The following USP40 variants were observed in gnomAD, a reference collection of about 807,000 sequenced individuals.
USP40 encodes ubiquitin specific peptidase 40.
USP40 carries 143 observed loss-of-function variants against 166.2 expected under a neutral mutation model. That is an observed-to-expected ratio of 0.86 (90% CI 0.75 to 0.99). USP40 has a LOEUF of 0.99. Among genes scored for constraint, USP40 ranks in the 50% least tolerant of loss-of-function variants. USP40 has a pLI of 0.00. For missense variants in USP40, 1,444 were observed against 1,479.7 expected (o/e 0.98, Z 0.40); for synonymous variants, 498 against 524.0 (o/e 0.95, Z 0.68).
chr2:233,534,881 T>C (rs929638820), intron 10 of USP40, among the ~76,000 whole-genome samples: 13 of 152,300 alleles, frequency 8.5e-5, no homozygotes, highest in East Asian at 3.9e-4. Context: ...GTCCCATTAA[T>C]GACAAAGAAA....
intron 21 of USP40, among the ~76,000 whole-genome samples, chr2:233,503,780 C>T (rs2066234832): frequency 6.6e-6 from 1 of 152,124 alleles, no homozygotes; most frequent in Non-Finnish European, 1.5e-5. Flanking sequence ...GGGAGCACTA[C>T]AACTGGAAAC....
At position 233,485,563 on chromosome 2, in the gene USP40, A is replaced by G. The variant is rs145708986; in HGVS notation, c.3472T>C (p.Tyr1158His). ...CCAATAGTATCTCCGTCTTTCAAGTAATACGGTGCCCCTTGCAAATAATCT... is the reference window on the plus strand; with the variant it reads ...CCAATAGTATCTCCGTCTTTCAAGTGATACGGTGCCCCTTGCAAATAATCT... ...KQDYLQGAPY[Y>H]LKDGDTIGVK... is the part of the protein sequence containing the mutation. The change falls in exon 30 of 32, where the codon TAC (tyrosine) becomes CAC (histidine). Residue 1158 changes from tyrosine (Y) to histidine (H), a missense_variant. Transcript: ENST00000678225. The G allele has an allele frequency of 1.7e-4, 277 of 1,613,978 alleles. No individual in the cohort carries two copies. The East Asian group carries it at 4.0e-3, about 23-fold the overall frequency.
chr2:233,542,172 G>C lies in USP40; in HGVS notation c.1062+96C>G, dbSNP rs146927183. The C allele has an allele frequency of 5.5e-5, 29 of 527,732 alleles. No homozygotes were observed. Among genetic ancestry groups the C allele is most frequent in the Non-Finnish European group, 9.0e-5 (29 of 322,180 alleles). 32.7% of individuals were successfully genotyped at this position (527,732 alleles called of 1,614,324 possible). On this transcript the variant is annotated intron_variant, in intron 9 of 31. Transcript: ENST00000678225. ...ATGAATGGTAATAATATCACACCTA[G>C]CAATTAAACCGCATACATTCTTACA...
intron 11 of USP40, among the ~76,000 whole-genome samples, chr2:233,530,443 C>A (rs1261058701): frequency 1.3e-5 from 2 of 152,150 alleles, no homozygotes; most frequent in South Asian, 4.1e-4. Flanking sequence ...GAACAATAAA[C>A]ATCTTTGAGC....
At chr2:233,555,728 C>A (rs13394960) in intron 5 of USP40, among the ~76,000 whole-genome samples, 2 of 151,014 alleles carry the variant, frequency 1.3e-5, no homozygotes, top group Non-Finnish European at 3.0e-5. Flanking sequence ...CTCCACCTCC[C>A]GGGTTCAAGC....
intron 8 of USP40, chr2:233,545,546 G>A (rs990968955): frequency 2.0e-5 from 3 of 152,112 alleles, no homozygotes; most frequent in Non-Finnish European, 4.4e-5. Context: ...TGGTGGCATG[G>A]ATCAGGCTCC....
intron 2 of USP40, among the ~76,000 whole-genome samples, chr2:233,563,385 T>C (rs1044887528): frequency 3.3e-5 from 5 of 152,202 alleles, no homozygotes; most frequent in Admixed American, 3.3e-4. Context: ...CCTGAATCTT[T>C]TGAGAAGTCT....
intron 8 of USP40, among the ~76,000 whole-genome samples, chr2:233,545,060 A>C (rs1376012832): frequency 6.6e-6 from 1 of 152,222 alleles, no homozygotes; most frequent in Non-Finnish European, 1.5e-5. Flanking sequence ...GTTCTTAAAA[A>C]GCAAACAAAC....
chr2:233,503,559 C>A (rs2066220435), intron 21 of USP40, among the ~76,000 whole-genome samples: 1 of 152,084 alleles, frequency 6.6e-6, no homozygotes, highest in South Asian at 2.1e-4. Context: ...ATAAGGAAAT[C>A]CCCAGTAGAC....
chr2:233,510,149 A>G lies in USP40; in HGVS notation c.2527-14T>C. 1 of 1,562,010 alleles carries G rather than the reference A, an allele frequency of 6.4e-7. No individual in the cohort carries two copies. Among genetic ancestry groups the G allele is most frequent in the Non-Finnish European group, 8.8e-7 (1 of 1,142,478 alleles). On this transcript the variant is annotated splice_polypyrimidine_tract_variant and intron_variant, in intron 20 of 31. Coordinates refer to ENST00000678225, the MANE Select transcript of USP40 (RefSeq NM_001365479.2). ...AAACAGGAACAACTAATAACAAGAC[A>G]GATGTGTAAATGCAATTTAATCTGA...
At chr2:233,529,814 C>CTTTTTTTT (rs369071345) in intron 11 of USP40, among the ~76,000 whole-genome samples, 29 of 133,950 alleles carry the variant, frequency 2.2e-4, no homozygotes, top group South Asian at 4.5e-4. Flanking sequence ...TTTTCTTTTT[C>CTTTTTTTT]TTTTTTTTTT....
intron 3 of USP40, among the ~76,000 whole-genome samples, chr2:233,560,193 A>G (rs1175519815): frequency 3.9e-5 from 6 of 152,230 alleles, no homozygotes; most frequent in South Asian, 4.1e-4. Flanking sequence ...AAACCACTCA[A>G]CTGATTACAG....
At position 233,476,235 on chromosome 2, in the gene USP40, CT is replaced by C. The variant is rs2064178582; in HGVS notation, c.*1156del. ...TCCTTTCTGCCCTCACACTTCAGTG[CT>C]GCTTCCCATCAGTGACGGGGCTGAC... On this transcript the variant is annotated 3_prime_UTR_variant, in exon 32 of 32. Transcript: ENST00000678225. 1 of 152,366 alleles carries C rather than the reference CT, an allele frequency of 6.6e-6. No individual in the cohort carries two copies. Among genetic ancestry groups the C allele is most frequent in the African/African-American group, 2.4e-5 (1 of 41,442 alleles). The allele number at this position is 152,366 out of a possible 1,614,324, so 9.4% of individuals were successfully genotyped here.
intron 14 of USP40, 106 bp from the exon 15 acceptor site, chr2:233,524,668 G>T: frequency 1.2e-6 from 1 of 805,380 alleles, no homozygotes; most frequent in East Asian, 3.4e-5. Flanking sequence ...TTTCACTAAG[G>T]AAAATTTAAA....
chr2:233,542,009 T>C (rs989585274), intron 9 of USP40, among the ~76,000 whole-genome samples: 20 of 152,220 alleles, frequency 1.3e-4, no homozygotes, highest in Admixed American at 1.2e-3. Flanking sequence ...CTGGCCTACT[T>C]ATACTTTTTA....
chr2:233,494,928 A>ATATATATATATATATATATATATATATT (rs1444553044), intron 24 of USP40, among the ~76,000 whole-genome samples: 1 of 35,168 alleles, frequency 2.8e-5, no homozygotes, highest in Non-Finnish European at 5.1e-5. Flanking sequence ...ATATATATAT[A>ATATATATATATATATATATATATATATT]TATATATATA....
intron 10 of USP40, among the ~76,000 whole-genome samples, chr2:233,538,102 GTTAA>G (rs766667002): frequency 2.6e-5 from 4 of 152,002 alleles, no homozygotes; most frequent in Non-Finnish European, 5.9e-5. Context: ...AATTTATCAT[GTTAA>G]TTTATATATA....
rs2066947056 is a variant in USP40 at position 233,513,137 on chromosome 2, T to C, written c.2384-515A>G. On this transcript the variant is annotated intron_variant, in intron 18 of 31. Coordinates refer to ENST00000678225, the MANE Select transcript of USP40 (RefSeq NM_001365479.2). ...TAAGCAGGGCTTGGTTTCTTCTCAT[T>C]GCATAGCTTATAATATAGAGTGACA... Among the ~76,000 whole-genome samples the C allele has an allele frequency of 2.0e-5, 3 of 152,230 alleles. No homozygotes were observed. In the South Asian group the frequency reaches 6.2e-4, roughly 32 times the overall value.
At chr2:233,529,809 TTTTTC>T (rs1172530936) in intron 11 of USP40, among the ~76,000 whole-genome samples, 4 of 129,492 alleles carry the variant, frequency 3.1e-5, no homozygotes, top group South Asian at 5.3e-4. Context: ...TTTCTTTTTC[TTTTTC>T]TTTTTTTTTT....
Sources: gnomAD v4.1 joint callset for allele counts (sites outside exome capture counted in the v4.1 genomes callset) on GRCh38, gnomAD v4.1.1 for gene constraint, MANE v1.5 for transcripts, NCBI Gene and HGNC (gene_info 2026-07-23, HGNC 2026-07-21) for gene names.